The following TBC1D5 variants were observed in gnomAD, a reference collection of about 807,000 sequenced individuals.
TBC1D5 encodes TBC1 domain family, member 5.
A neutral mutation model predicts 100.3 loss-of-function variants in TBC1D5; 75 were observed. The ratio of observed to expected loss-of-function variants is 0.75; its 90% CI spans 0.62 to 0.91. The LOEUF (loss-of-function observed/expected upper bound fraction) is 0.91. Among genes scored for constraint, TBC1D5 ranks in the 40% least tolerant of loss-of-function variants. The pLI, the probability that TBC1D5 is intolerant of heterozygous loss-of-function variation, is 0.00. For synonymous variants in TBC1D5, 323 were observed against 325.6 expected (o/e 0.99, Z 0.09); for missense variants, 910 against 942.4 (o/e 0.97, Z 0.45).
intron 18 of TBC1D5, among the ~76,000 whole-genome samples, chr3:17,199,071 C>T (rs372324525): frequency 2.6e-5 from 4 of 152,152 alleles, no homozygotes; most frequent in African/African-American, 4.8e-5. Context: ...CGCATTTAAA[C>T]GTTTTATAGT....
chr3:17,455,183 CGT>C (rs201589943), intron 3 of TBC1D5, among the ~76,000 whole-genome samples: 81 of 126,794 alleles, frequency 6.4e-4, no homozygotes, highest in Admixed American at 1.2e-3. Flanking sequence ...CACACACACA[CGT>C]GTGTGTGTAT....
chr3:17,375,866 AT>A (rs2092687181), intron 10 of TBC1D5, among the ~76,000 whole-genome samples: 3 of 152,178 alleles, frequency 2.0e-5, no homozygotes, highest in Admixed American at 1.3e-4. Context: ...TTTACTGCAT[AT>A]AGATGCGCTG....
intron 1 of TBC1D5, among the ~76,000 whole-genome samples, chr3:17,685,525 C>T (rs1453792090): frequency 1.3e-5 from 2 of 151,936 alleles, no homozygotes; most frequent in East Asian, 3.8e-4. Flanking sequence ...CAATGATTTT[C>T]CGGATTTTGA....
upstream of TBC1D5, among the ~76,000 whole-genome samples, chr3:17,741,800 ATTTTTTTTTTTTTT>A (rs779385615): frequency 2.5e-4 from 12 of 47,954 alleles, no homozygotes; most frequent in South Asian, 1.9e-3. Context: ...CTCCCTGCGA[ATTTTTTTTTTTTTT>A]TTTTTTTTTT....
chr3:17,383,768 T>G (rs75062519), intron 9 of TBC1D5, 145 bp downstream of exon 9: 1 of 522,510 alleles, frequency 1.9e-6, no homozygotes, highest in Non-Finnish European at 3.3e-6. Context: ...TTTCTCACCA[T>G]GCAGCTGACA....
intron 2 of TBC1D5, among the ~76,000 whole-genome samples, chr3:17,615,578 T>C (rs1339841445): frequency 6.6e-6 from 1 of 152,220 alleles, no homozygotes; most frequent in South Asian, 2.1e-4. Flanking sequence ...GTTATTGTTC[T>C]ATTCAGAGAT....
intron 3 of TBC1D5, among the ~76,000 whole-genome samples, chr3:17,483,830 C>T (rs2150367181): frequency 6.6e-6 from 1 of 151,986 alleles, no homozygotes; most frequent in East Asian, 1.9e-4. Flanking sequence ...AAGTAGTATG[C>T]CTGACAGCTG....
intron 2 of TBC1D5, among the ~76,000 whole-genome samples, chr3:17,543,216 A>G (rs2096376592): frequency 6.6e-6 from 1 of 152,234 alleles, no homozygotes; most frequent in African/African-American, 2.4e-5. Flanking sequence ...TACATGCATA[A>G]AACATTTCTA....
chr3:17,173,636 T>G (rs2067384341), intron 19 of TBC1D5, among the ~76,000 whole-genome samples: 1 of 152,190 alleles, frequency 6.6e-6, no homozygotes, highest in Admixed American at 6.5e-5. Flanking sequence ...CAATTACTAT[T>G]ATTGCCTACT....
chr3:17,159,965 T>A (rs2065895800), exon 22 of TBC1D5: 1 of 152,242 alleles, frequency 6.6e-6, no homozygotes, highest in Non-Finnish European at 1.5e-5. Flanking sequence ...TGACTTTGGG[T>A]GGGAATGAAC....
intron 19 of TBC1D5, among the ~76,000 whole-genome samples, chr3:17,170,497 A>G (rs887429194): frequency 2.0e-5 from 3 of 152,160 alleles, no homozygotes; most frequent in Non-Finnish European, 4.4e-5. Flanking sequence ...TCTCCTAACT[A>G]GACCTTTGTC....
chr3:17,626,406 G>T (rs1261421532), intron 1 of TBC1D5, among the ~76,000 whole-genome samples: 1 of 152,108 alleles, frequency 6.6e-6, no homozygotes, highest in African/African-American at 2.4e-5. Flanking sequence ...AAAAATAAGT[G>T]GGCATTTGTA....
rs1278593924 is a variant in TBC1D5 at position 17,439,529 on chromosome 3, T to C, written c.98-11010A>G. 2.0e-5 allele frequency among the ~76,000 whole-genome samples: 3 copies of C among 152,172 alleles called. 1 individual carries two copies. Among genetic ancestry groups the C allele is most frequent in the Non-Finnish European group, 2.9e-5 (2 of 68,022 alleles). ...AACGTTACTGATTAGTATTTAAATA[T>C]AAAATCTTCAAATATCAATTTTTTT... On this transcript the variant is annotated intron_variant, in intron 3 of 21. Coordinates refer to ENST00000253692, the Ensembl canonical transcript of TBC1D5.
At chr3:17,547,665 T>C (rs1480355838) in intron 2 of TBC1D5, among the ~76,000 whole-genome samples, 2 of 152,104 alleles carry the variant, frequency 1.3e-5, no homozygotes, top group African/African-American at 4.8e-5. Flanking sequence ...AGATGAAAAA[T>C]CAAAAGCCAA....
intron 2 of TBC1D5, among the ~76,000 whole-genome samples, chr3:17,526,221 T>A (rs972345558): frequency 6.6e-6 from 1 of 152,114 alleles, no homozygotes; most frequent in African/African-American, 2.4e-5. Context: ...ATTCATTTAT[T>A]TATTTATTTT....
At chr3:17,199,847 T>C (rs994501030) in intron 18 of TBC1D5, among the ~76,000 whole-genome samples, 2 of 152,212 alleles carry the variant, frequency 1.3e-5, no homozygotes, top group Non-Finnish European at 2.9e-5. Context: ...ATTTGGTTTA[T>C]TTAATGAGAT....
intron 15 of TBC1D5, among the ~76,000 whole-genome samples, chr3:17,283,441 T>C (rs17200767): frequency 0.056 from 8,581 of 152,202 alleles, 355 homozygotes; most frequent in Non-Finnish European, 0.08. Flanking sequence ...CATGTTGACA[T>C]AAATGAAAGC....
intron 2 of TBC1D5, among the ~76,000 whole-genome samples, chr3:17,620,795 G>C (rs902355700): frequency 6.6e-6 from 1 of 152,020 alleles, no homozygotes; most frequent in Non-Finnish European, 1.5e-5. Flanking sequence ...AGGATGTAAA[G>C]AAAGGGGGCA....
intron 1 of TBC1D5, among the ~76,000 whole-genome samples, chr3:17,639,480 A>G (rs1453173397): frequency 6.6e-6 from 1 of 151,870 alleles, no homozygotes; most frequent in African/African-American, 2.4e-5. Context: ...AAAAAAAAAA[A>G]CTATGAATTG....
Sources: gnomAD v4.1 joint callset for allele counts (sites outside exome capture counted in the v4.1 genomes callset) on GRCh38, gnomAD v4.1.1 for gene constraint, MANE v1.5 for transcripts, NCBI Gene and HGNC (gene_info 2026-07-23, HGNC 2026-07-21) for gene names.